The following AKT3 variants were observed in gnomAD, a reference collection of about 807,000 sequenced individuals.
AKT3 encodes AKT serine/threonine kinase 3.
AKT3 carries 15 observed loss-of-function variants against 65.3 expected under a neutral mutation model. That is an observed-to-expected ratio of 0.23 (90% CI 0.15 to 0.35). The LOEUF is 0.35. Ranked by LOEUF, AKT3 falls within the 10% of genes least tolerant of loss-of-function variation. AKT3 has a pLI of 1.00. For missense variants in AKT3, 243 were observed against 576.5 expected (o/e 0.42, Z 5.92); for synonymous variants, 206 against 183.8 (o/e 1.12, Z -0.98).
At chr1:243,663,300 C>T (rs553713847) in intron 4 of AKT3, among the ~76,000 whole-genome samples, 1 of 152,286 alleles carries the variant, frequency 6.6e-6, no homozygotes, top group Admixed American at 6.5e-5. Context: ...GGAAAAATAA[C>T]ATTTTAAGCT....
chr1:243,601,866 C>T (rs930375388), intron 8 of AKT3, among the ~76,000 whole-genome samples: 4 of 152,126 alleles, frequency 2.6e-5, no homozygotes, highest in Non-Finnish European at 5.9e-5. Flanking sequence ...TGTTTTGTGT[C>T]ACTGCCCTCT....
intron 3 of AKT3, among the ~76,000 whole-genome samples, chr1:243,684,572 G>A (rs749764981): frequency 2.6e-5 from 4 of 152,126 alleles, no homozygotes; most frequent in Admixed American, 6.5e-5. Flanking sequence ...GGTCATTTGG[G>A]TTGGTTCCAA....
At chr1:243,757,720 C>T (rs1481180710) in intron 2 of AKT3, among the ~76,000 whole-genome samples, 2 of 152,006 alleles carry the variant, frequency 1.3e-5, no homozygotes, top group East Asian at 3.8e-4. Flanking sequence ...AGTTCTTACA[C>T]TTGCAGTCTC....
intron 8 of AKT3, among the ~76,000 whole-genome samples, chr1:243,599,426 AAC>A (rs1676852929): frequency 6.6e-6 from 1 of 152,198 alleles, no homozygotes; most frequent in African/African-American, 2.4e-5. Context: ...GTCTGAGAAC[AAC>A]TGCACAAAAG....
intron 8 of AKT3, among the ~76,000 whole-genome samples, chr1:243,589,313 A>AAC (rs1676043009): frequency 2.0e-5 from 3 of 150,148 alleles, no homozygotes; most frequent in Admixed American, 2.0e-4. Context: ...TCTCAAAAAA[A>AAC]AAAAAAAAAA....
chr1:243,658,898 C>T (rs920367202), intron 4 of AKT3, among the ~76,000 whole-genome samples: 2 of 147,930 alleles, frequency 1.4e-5, no homozygotes, highest in Admixed American at 6.8e-5. Context: ...AACTTAGTTG[C>T]GTGTGTGGCT....
chr1:243,514,244 GTTCT>G (rs995936336), intron 12 of AKT3, among the ~76,000 whole-genome samples: 3 of 152,086 alleles, frequency 2.0e-5, no homozygotes, highest in African/African-American at 7.2e-5. Flanking sequence ...TTTTCATCTG[GTTCT>G]TTGTGATGTC....
chr1:243,748,826 A>G (rs1688631963), intron 2 of AKT3, among the ~76,000 whole-genome samples: 1 of 152,144 alleles, frequency 6.6e-6, no homozygotes, highest in Non-Finnish European at 1.5e-5. Context: ...TCTGACTTTC[A>G]AAGCCCCAAT....
At chr1:243,651,654 T>C (rs1309157860) in intron 4 of AKT3, among the ~76,000 whole-genome samples, 1 of 152,222 alleles carries the variant, frequency 6.6e-6, no homozygotes, top group African/African-American at 2.4e-5. Flanking sequence ...GAGATAATCA[T>C]GTGGTTTTTG....
intron 2 of AKT3, among the ~76,000 whole-genome samples, chr1:243,800,640 C>T (rs914860074): frequency 3.2e-4 from 48 of 152,052 alleles, no homozygotes; most frequent in Non-Finnish European, 5.9e-4. Flanking sequence ...ATTGCTTGAA[C>T]CCACAAGGCA....
At chr1:243,533,729 G>A (rs1038687343) in intron 12 of AKT3, among the ~76,000 whole-genome samples, 2 of 152,172 alleles carry the variant, frequency 1.3e-5, no homozygotes, top group Non-Finnish European at 2.9e-5. Flanking sequence ...GGTGGCTCAC[G>A]CCTGTAATCC....
intron 2 of AKT3, among the ~76,000 whole-genome samples, chr1:243,732,319 G>A (rs575956422): frequency 2.0e-5 from 3 of 152,158 alleles, no homozygotes; most frequent in Admixed American, 6.5e-5. Context: ...TCCAACCACA[G>A]CATACCTAAA....
chr1:243,815,616 C>T (rs1165869750), intron 2 of AKT3, among the ~76,000 whole-genome samples: 3 of 141,004 alleles, frequency 2.1e-5, no homozygotes, highest in South Asian at 2.3e-4. Flanking sequence ...ATCTATATTG[C>T]TTTTTTTTTT....
chr1:243,734,553 T>TAA (rs201179506), intron 2 of AKT3, among the ~76,000 whole-genome samples: 2 of 146,592 alleles, frequency 1.4e-5, no homozygotes, highest in Non-Finnish European at 3.0e-5. Flanking sequence ...GTACACAGGG[T>TAA]AAAAAAAAAA....
At chr1:243,743,706 G>C (rs1218003231) in intron 2 of AKT3, among the ~76,000 whole-genome samples, 1 of 152,118 alleles carries the variant, frequency 6.6e-6, no homozygotes, top group Non-Finnish European at 1.5e-5. Context: ...TTAGTTATCA[G>C]GGGAATACAA....
chr1:243,646,340 T>C (rs1013089211), intron 4 of AKT3, among the ~76,000 whole-genome samples: 3 of 151,936 alleles, frequency 2.0e-5, no homozygotes, highest in African/African-American at 7.2e-5. Context: ...ATTTTATTTG[T>C]CTGTACATAT....
intron 2 of AKT3, among the ~76,000 whole-genome samples, chr1:243,779,848 T>G (rs1457235233): frequency 5.9e-5 from 9 of 152,124 alleles, no homozygotes; most frequent in Admixed American, 5.2e-4. Context: ...CAAAAGAATT[T>G]AAAAGCCGGC....
At position 243,791,287 on chromosome 1, in the gene AKT3, CTT is replaced by C. The variant is rs11296250; in HGVS notation, c.46+51836_46+51837del. The stretch of plus-strand genomic sequence containing the variant: ...CATGTTCAGTATGAACGTAACCATT[CTT>C]TTTTTTTTTTCTCAAGTATTTTTGA... On this transcript the variant is annotated intron_variant, in intron 2 of 13. Coordinates refer to ENST00000673466, the MANE Select transcript of AKT3 (RefSeq NM_005465.7). Among the ~76,000 whole-genome samples the C allele has an allele frequency of 2.4e-4, 36 of 147,990 alleles. 1 individual carries two copies. The highest frequency in any genetic ancestry group is 6.2e-4 in the African/African-American group (25 of 40,280).
At chr1:243,645,183 C>A (rs1391517667) in intron 5 of AKT3, among the ~76,000 whole-genome samples, 1 of 152,042 alleles carries the variant, frequency 6.6e-6, no homozygotes, top group Non-Finnish European at 1.5e-5. Context: ...GTTTTCCTCC[C>A]TGAAGATTAA....
Sources: allele counts gnomAD v4.1 joint callset (sites outside exome capture counted in the v4.1 genomes callset), GRCh38; gene constraint gnomAD v4.1.1; transcripts MANE v1.5; gene names NCBI Gene and HGNC (gene_info 2026-07-23, HGNC 2026-07-21).